PIK3CB: variants seen among roughly 807,000 people sequenced by gnomAD.
PIK3CB encodes the protein phosphatidylinositol 4,5-bisphosphate 3-kinase catalytic subunit beta isoform.
A neutral mutation model predicts 136.8 loss-of-function variants in PIK3CB; 39 were observed. The ratio of observed to expected loss-of-function variants is 0.29; its 90% CI spans 0.22 to 0.37. PIK3CB has a LOEUF of 0.37. Ranked by LOEUF, PIK3CB falls within the 10% of genes least tolerant of loss-of-function variation. The pLI is 1.00. For missense variants in PIK3CB, 868 were observed against 1,275.4 expected, an observed-to-expected ratio of 0.68 and a Z score of 4.87; for synonymous variants, 428 against 436.6, an observed-to-expected ratio of 0.98 and a Z score of 0.25.
intron 1 of PIK3CB, among the ~76,000 whole-genome samples, chr3:138,806,658 TTAGACTTGAAAAGAGACCA>T (rs1381525908): frequency 3.3e-5 from 5 of 151,956 alleles, no homozygotes; most frequent in African/African-American, 1.2e-4. Context: ...TCTAGAAAAA[TTAGACTTGAAAAGAGACCA>T]ACAGAATGTA....
At chr3:138,780,552 A>G (rs565687396) in intron 2 of PIK3CB, among the ~76,000 whole-genome samples, 1 of 152,352 alleles carries the variant, frequency 6.6e-6, no homozygotes, top group African/African-American at 2.4e-5. Flanking sequence ...TACAGGTGTG[A>G]GCCACTGTGC....
At chr3:138,688,425 C>A (rs748157924) in intron 16 of PIK3CB, among the ~76,000 whole-genome samples, 2 of 136,406 alleles carry the variant, frequency 1.5e-5, no homozygotes, top group Admixed American at 1.7e-4. Flanking sequence ...CGCTTGAACC[C>A]GGGAGGCGGA....
chr3:138,747,967 G>A (rs1225843461), intron 4 of PIK3CB, among the ~76,000 whole-genome samples: 1 of 152,000 alleles, frequency 6.6e-6, no homozygotes, highest in Non-Finnish European at 1.5e-5. Flanking sequence ...CTAAAAGAAT[G>A]AATCAACATA....
intron 2 of PIK3CB, among the ~76,000 whole-genome samples, chr3:138,766,595 G>A (rs1209641670): frequency 6.6e-6 from 1 of 151,884 alleles, no homozygotes; most frequent in African/African-American, 2.4e-5. Context: ...TCCTTTAACA[G>A]TTGCCCATGC....
chr3:138,827,691 AC>A (rs1436966329), intron 1 of PIK3CB, among the ~76,000 whole-genome samples: 3 of 151,714 alleles, frequency 2.0e-5, no homozygotes, highest in Non-Finnish European at 4.4e-5. Flanking sequence ...CAAAAACAAA[AC>A]AAAAAGGCCG....
chr3:138,683,351 CA>C (rs1011302197), intron 18 of PIK3CB, among the ~76,000 whole-genome samples: 2,376 of 65,184 alleles, frequency 0.036, 15 homozygotes, highest in Middle Eastern at 0.058. Flanking sequence ...GACCCTGTCT[CA>C]AAAAAAAAAA....
intron 2 of PIK3CB, chr3:138,770,623 T>C (rs1351465790): frequency 6.6e-6 from 1 of 151,270 alleles, no homozygotes; most frequent in Non-Finnish European, 1.5e-5. Context: ...GGCAGGAGAA[T>C]GGTGTGAACC....
chr3:138,677,005 T>C (rs1302983822), intron 19 of PIK3CB, among the ~76,000 whole-genome samples: 1 of 152,118 alleles, frequency 6.6e-6, no homozygotes, highest in Non-Finnish European at 1.5e-5. Context: ...AATTATACTG[T>C]ATCCCAATAA....
chr3:138,709,946 G>A (rs2044460823), intron 10 of PIK3CB, among the ~76,000 whole-genome samples: 1 of 151,280 alleles, frequency 6.6e-6, no homozygotes, highest in Non-Finnish European at 1.5e-5. Flanking sequence ...GGAGGCTGAG[G>A]AGGTGAAAAT....
intron 4 of PIK3CB, among the ~76,000 whole-genome samples, chr3:138,749,242 C>T (rs1311883956): frequency 6.6e-6 from 1 of 152,136 alleles, no homozygotes; most frequent in Non-Finnish European, 1.5e-5. Flanking sequence ...AAATCAAATG[C>T]TTTATTTCCC....
chr3:138,770,298 A>G (rs2045783325), intron 2 of PIK3CB: 1 of 152,162 alleles, frequency 6.6e-6, no homozygotes, highest in Non-Finnish European at 1.5e-5. Context: ...TTCCCCACCA[A>G]TGTGCCAGCA....
At chr3:138,754,023 G>T (rs750938949) in intron 4 of PIK3CB, among the ~76,000 whole-genome samples, 1 of 152,096 alleles carries the variant, frequency 6.6e-6, no homozygotes, top group Non-Finnish European at 1.5e-5. Context: ...TCAAAATATT[G>T]TCGGTCAATA....
intron 18 of PIK3CB, among the ~76,000 whole-genome samples, chr3:138,683,368 A>G (rs1185691150): frequency 6.6e-6 from 1 of 151,874 alleles, no homozygotes; most frequent in East Asian, 1.9e-4. Flanking sequence ...AAAAAAAAAA[A>G]AGTAAAAATA....
chr3:138,814,008 T>C (rs969175742), intron 1 of PIK3CB, among the ~76,000 whole-genome samples: 1 of 152,140 alleles, frequency 6.6e-6, no homozygotes, highest in Non-Finnish European at 1.5e-5. Context: ...GCTTTCTCAA[T>C]GTGGATACTA....
At chr3:138,815,162 AATATATATATATATAC>A (rs1177843042) in intron 1 of PIK3CB, among the ~76,000 whole-genome samples, 7 of 62,490 alleles carry the variant, frequency 1.1e-4, no homozygotes, top group Admixed American at 2.0e-4. Flanking sequence ...AAAAAAAAAA[AATATATATATATATAC>A]ATATATATAT....
intron 17 of PIK3CB, 108 bp from the exon 18 acceptor site, chr3:138,683,895 G>C: frequency 1.5e-6 from 1 of 668,188 alleles, no homozygotes; most frequent in Middle Eastern, 4.0e-4. Context: ...ATTCCTGTCA[G>C]GTCTGCAGAA....
chr3:138,750,026 C>T (rs1576385971), intron 4 of PIK3CB, among the ~76,000 whole-genome samples: 1 of 152,100 alleles, frequency 6.6e-6, no homozygotes, highest in African/African-American at 2.4e-5. Flanking sequence ...TACAGGCACA[C>T]ACCACCATGC....
intron 1 of PIK3CB, among the ~76,000 whole-genome samples, chr3:138,830,753 T>C (rs1933990710): frequency 7.0e-6 from 1 of 143,450 alleles, no homozygotes; most frequent in South Asian, 2.2e-4. Context: ...CACAAAAAAA[T>C]TAGCCGGGCG....
At chr3:138,802,842 C>T (rs1458284071) in intron 1 of PIK3CB, among the ~76,000 whole-genome samples, 1 of 152,176 alleles carries the variant, frequency 6.6e-6, no homozygotes, top group Non-Finnish European at 1.5e-5. Flanking sequence ...ATACAGCACA[C>T]AATACATATC....
Sources: gnomAD v4.1 joint callset for allele counts (sites outside exome capture counted in the v4.1 genomes callset) on GRCh38, gnomAD v4.1.1 for gene constraint, MANE v1.5 for transcripts, NCBI Gene and HGNC (gene_info 2026-07-23, HGNC 2026-07-21) for gene names.